Variants in ANKMY1 observed in about 807,000 individuals in gnomAD.
ANKMY1 encodes the protein ankyrin repeat and MYND domain-containing protein 1.
Under a neutral mutation model 102.0 loss-of-function variants are expected in ANKMY1, and 98 were observed. The observed-to-expected ratio is 0.96, with a 90% CI of 0.82 to 1.14. ANKMY1 has a LOEUF of 1.14. Among genes scored for constraint, ANKMY1 ranks in the 50% most tolerant of loss-of-function variants. The pLI is 0.00. For synonymous variants in ANKMY1, 582 were observed against 559.9 expected, an observed-to-expected ratio of 1.04 and a Z score of -0.56; for missense variants, 1,330 against 1,347.6, an observed-to-expected ratio of 0.99 and a Z score of 0.20.
intron 17 of ANKMY1, among the ~76,000 whole-genome samples, chr2:240,480,363 C>T (rs2075229791): frequency 6.6e-6 from 1 of 152,230 alleles, no homozygotes; most frequent in African/African-American, 2.4e-5. Flanking sequence ...GCTTCGCACA[C>T]CAGCCTCGGC....
At chr2:240,555,467 G>T in intron 2 of ANKMY1, 1 of 217,860 alleles carries the variant, frequency 4.6e-6, no homozygotes, top group Non-Finnish European at 9.4e-6. Context: ...ACAGAAAACA[G>T]ACTGCCCACA....
intron 15 of ANKMY1, among the ~76,000 whole-genome samples, chr2:240,496,125 G>C (rs1205947574): frequency 1.3e-5 from 2 of 152,062 alleles, no homozygotes; most frequent in Non-Finnish European, 1.5e-5. Context: ...TAAATTTTGA[G>C]TTATTTTTCT....
chr2:240,526,143 C>T, intron 6 of ANKMY1, 86 bp downstream of exon 6: 1 of 1,496,998 alleles, frequency 6.7e-7, no homozygotes, highest in Non-Finnish European at 9.3e-7. Context: ...TCTGCTCCTG[C>T]AGAGGGGGCC....
rs778075994 is a variant in ANKMY1, at chr2:240,529,229, G to A, written c.761C>T (p.Thr254Met). 6.8e-6 allele frequency: 11 copies of A among 1,614,170 alleles called. No homozygotes were observed. Among genetic ancestry groups the A allele is most frequent in the East Asian group, 4.5e-5 (2 of 44,880 alleles). ...GTAGACATACATTTCTGGAGGCAGCGTTAGGTTGTCATTCAGAAGAAACCG... is the reference window on the plus strand; with the variant it reads ...GTAGACATACATTTCTGGAGGCAGCATTAGGTTGTCATTCAGAAGAAACCG... ...YKRFLLNDNL[T>M]LPPEMYVYST... Residue 254 changes from threonine to methionine, a missense_variant, in exon 5 of 18, where the codon ACG (threonine) becomes ATG (methionine). By Grantham distance (81) the Thr-to-Met change is moderately conservative. Transcript: ENST00000401804. The surrounding 1 kb of genome is among the most constrained non-coding windows in gnomAD (Gnocchi z 4.2).
At chr2:240,496,596 T>C (rs767814756) in intron 15 of ANKMY1, among the ~76,000 whole-genome samples, 1 of 152,186 alleles carries the variant, frequency 6.6e-6, no homozygotes, top group African/African-American at 2.4e-5. Flanking sequence ...TTGTGTGAAA[T>C]CCATTTCTCC....
At chr2:240,480,882 C>T in intron 17 of ANKMY1, 55 bp downstream of exon 17, 17 of 1,575,588 alleles carry the variant, frequency 1.1e-5, no homozygotes, top group Non-Finnish European at 1.4e-5. Flanking sequence ...CAGGCCTGCG[C>T]CTTCGCCCTC....
chr2:240,481,109 C>T lies in ANKMY1; in HGVS notation c.2886-12G>A, dbSNP rs776356266. ...TGAAGAAGGGAATTCTGCAACAGAG[C>T]CTCACCGTCAGCAGGCGGCCACTCC... On this transcript the variant is annotated splice_polypyrimidine_tract_variant and intron_variant, in intron 16 of 17. Transcript: ENST00000401804. The T allele has an allele frequency of 1.9e-6, 3 of 1,601,020 alleles. No individual in the cohort carries two copies. The highest frequency in any genetic ancestry group is 2.6e-6 in the Non-Finnish European group (3 of 1,169,496).
chr2:240,477,648 A>G (rs914253304), downstream of ANKMY1, among the ~76,000 whole-genome samples: 2 of 152,150 alleles, frequency 1.3e-5, no homozygotes, highest in Non-Finnish European at 2.9e-5. Flanking sequence ...CGGCCTCCCA[A>G]GTCACTGGGA....
At chr2:240,474,182 G>C in the ANKMY1 span, among the ~76,000 whole-genome samples, 1 of 150,776 alleles carries the variant, frequency 6.6e-6, no homozygotes, top group Non-Finnish European at 1.5e-5. Context: ...TGCAAGCTCC[G>C]CCTCCCAGGT....
intron 10 of ANKMY1, 119 bp from the exon 11 acceptor site, chr2:240,512,120 C>T: frequency 3.9e-6 from 5 of 1,269,242 alleles, no homozygotes; most frequent in Non-Finnish European, 4.1e-6. Context: ...CCCTGCGAAA[C>T]CCTCTTGAAG....
intron 1 of ANKMY1, 71 bp from the exon 2 acceptor site, chr2:240,557,423 C>CCGG (rs2092487247): frequency 7.1e-7 from 1 of 1,399,364 alleles, no homozygotes; most frequent in African/African-American, 1.5e-5. Flanking sequence ...CGCCCGAGGC[C>CCGG]CGGCCCGCGG....
At chr2:240,521,519 T>TTG (rs1559312611) in intron 8 of ANKMY1, among the ~76,000 whole-genome samples, 1 of 144,446 alleles carries the variant, frequency 6.9e-6, no homozygotes, top group Non-Finnish European at 1.5e-5. Flanking sequence ...TTTTTTTTTT[T>TTG]GAGACAGTCT....
At chr2:240,474,135 G>A in the ANKMY1 span, among the ~76,000 whole-genome samples, 4 of 151,550 alleles carry the variant, frequency 2.6e-5, no homozygotes, top group Admixed American at 2.0e-4. Flanking sequence ...TCACTCTGTC[G>A]CCCAGACTGG....
At chr2:240,493,483 A>G (rs1282120149) in intron 15 of ANKMY1, among the ~76,000 whole-genome samples, 1 of 152,122 alleles carries the variant, frequency 6.6e-6, no homozygotes, top group Admixed American at 6.5e-5. Flanking sequence ...TTATTTTTAT[A>G]GGAGAGGACT....
chr2:240,518,207 A>G lies in ANKMY1; in HGVS notation c.2004+2155T>C, dbSNP rs538927467. On this transcript the variant is annotated intron_variant, in intron 9 of 17. Transcript: ENST00000401804. Reference sequence around the variant, plus strand: ...CCATTCTTTAAAACTTGGGAACGTTACATTTGTCTTATCTGAGCTCCTTCC... The same window carrying G: ...CCATTCTTTAAAACTTGGGAACGTTGCATTTGTCTTATCTGAGCTCCTTCC... Among the ~76,000 whole-genome samples the G allele has an allele frequency of 3.3e-5, 5 of 152,276 alleles. No homozygotes were observed. The South Asian group carries it at 1.0e-3, about 32-fold the overall frequency.
intron 4 of ANKMY1, among the ~76,000 whole-genome samples, chr2:240,544,895 C>G (rs373775254): frequency 1.6e-4 from 25 of 152,240 alleles, no homozygotes; most frequent in Non-Finnish European, 4.4e-5. Flanking sequence ...GCACAGCAGT[C>G]TGAGATCAAA....
chr2:240,557,925 C>G lies in ANKMY1; in HGVS notation c.-62G>C, dbSNP rs10170832. On this transcript the variant is annotated 5_prime_UTR_variant, in exon 1 of 18. Transcript: ENST00000401804. ...TCGCGCCGGACAGCAGGGAGACCGA[C>G]GGGACTGCAGCCACCGCGGACGCCC... 4.0e-3 allele frequency: 3,941 copies of G among 985,636 alleles called. 109 individuals carry two copies. In the African/African-American group the frequency reaches 0.06, roughly 15 times the overall value. 61.1% of individuals were successfully genotyped at this position (985,636 alleles called of 1,614,324 possible). A position where few individuals can be genotyped will look rare whatever the true frequency, so the allele number is the denominator to read the frequency against.
rs535401851 is a variant in ANKMY1, at chr2:240,520,114, G to A, written c.2004+248C>T. Reference sequence around the variant, plus strand: ...TCCCCTTAGTTTGCTTCAACACTGGGAAAAAAATCACACGGATCGTGAAGT... The same window carrying A: ...TCCCCTTAGTTTGCTTCAACACTGGAAAAAAAATCACACGGATCGTGAAGT... On this transcript the variant is annotated intron_variant, in intron 9 of 17. Transcript: ENST00000401804. This position sits in a 1 kb window ranked among gnomAD's most constrained non-coding sequence, Gnocchi z 4.8. 1.2e-4 allele frequency: 86 copies of A among 716,324 alleles called. No homozygotes were observed. The East Asian group carries it at 2.4e-3, about 20-fold the overall frequency. 44.4% of individuals were successfully genotyped at this position (716,324 alleles called of 1,614,324 possible).
chr2:240,529,551 C>A lies in ANKMY1; in HGVS notation c.481-42G>T. On this transcript the variant is annotated intron_variant, in intron 4 of 17. Coordinates refer to ENST00000401804, the MANE Select transcript of ANKMY1 (RefSeq NM_001282771.3). This position sits in a 1 kb window ranked among gnomAD's most constrained non-coding sequence, Gnocchi z 4.2. ...ATAGACCGAGGAGAGATAACGCGAC[C>A]CAGCTGCACATGTGATCATGTTTGT... is the stretch of plus-strand genomic sequence containing the variant. The A allele has an allele frequency of 6.6e-7, 1 of 1,516,806 alleles. No homozygotes were observed. The highest frequency in any genetic ancestry group is 8.9e-7 in the Non-Finnish European group (1 of 1,123,172). 94.0% of individuals were successfully genotyped at this position (1,516,806 alleles called of 1,614,324 possible). A position where few individuals can be genotyped will look rare whatever the true frequency, so the allele number is the denominator to read the frequency against.
Sources: gnomAD v4.1 joint callset for allele counts (sites outside exome capture counted in the v4.1 genomes callset) on GRCh38, gnomAD v4.1.1 for gene constraint, Gnocchi (gnomAD v3.1) non-coding constraint, MANE v1.5 for transcripts, NCBI Gene and HGNC (gene_info 2026-07-23, HGNC 2026-07-21) for gene names.